Variants in SLC12A8 observed in about 807,000 individuals in gnomAD.
The protein encoded by SLC12A8 is cation-chloride cotransporter 9.
SLC12A8 carries 69 observed loss-of-function variants against 75.6 expected under a neutral mutation model. The ratio of observed to expected loss-of-function variants is 0.91; its 90% CI spans 0.75 to 1.11. The LOEUF is 1.11. Among genes scored for constraint, SLC12A8 ranks in the 50% most tolerant of loss-of-function variants. The probability of loss-of-function intolerance (pLI) is 0.00; values close to 1 mark genes in which losing one functional copy is unlikely to be tolerated. For missense variants in SLC12A8, 877 were observed against 896.7 expected, an observed-to-expected ratio of 0.98 and a Z score of 0.28; for synonymous variants, 365 against 372.8, an observed-to-expected ratio of 0.98 and a Z score of 0.24.
chr3:125,106,934 C>T (rs1208940454), intron 10 of SLC12A8, among the ~76,000 whole-genome samples: 1 of 152,128 alleles, frequency 6.6e-6, no homozygotes, highest in Non-Finnish European at 1.5e-5. Context: ...TATGGTAGGT[C>T]CTTGAAAATA....
chr3:125,100,104 G>A (rs1938829615), intron 10 of SLC12A8, among the ~76,000 whole-genome samples: 1 of 152,176 alleles, frequency 6.6e-6, no homozygotes, highest in East Asian at 1.9e-4. Context: ...GTGAAGAACA[G>A]AGGGGGAAAG....
intron 5 of SLC12A8, among the ~76,000 whole-genome samples, chr3:125,152,191 T>C (rs908209198): frequency 6.6e-5 from 10 of 152,238 alleles, no homozygotes; most frequent in African/African-American, 2.2e-4. Flanking sequence ...TGACTTTCCT[T>C]TTGCTTCAAG....
intron 5 of SLC12A8, among the ~76,000 whole-genome samples, chr3:125,159,082 C>T (rs1579513292): frequency 1.3e-5 from 2 of 152,234 alleles, no homozygotes; most frequent in South Asian, 4.2e-4. Flanking sequence ...ACGAATACAC[C>T]TTTCTAAATG....
intron 2 of SLC12A8, 61 bp downstream of exon 2, chr3:125,211,238 T>C (rs371349896): frequency 3.6e-6 from 5 of 1,378,308 alleles, no homozygotes; most frequent in Non-Finnish European, 5.2e-6. Flanking sequence ...TCCAGCCCAC[T>C]GTCTGGGGAT....
chr3:125,092,244 C>G lies in SLC12A8; in HGVS notation c.1706-46G>C, dbSNP rs186374685. 25 of 1,416,276 alleles carry G rather than the reference C, an allele frequency of 1.8e-5. No homozygotes were observed. In the East Asian group the frequency reaches 2.5e-4, roughly 14 times the overall value. The allele number at this position is 1,416,276 out of a possible 1,614,324, so 87.7% of individuals were successfully genotyped here. A position where few individuals can be genotyped will look rare whatever the true frequency, so the allele number is the denominator to read the frequency against. On this transcript the variant is annotated intron_variant, in intron 10 of 13. Coordinates refer to ENST00000469902, the MANE Select transcript of SLC12A8 (RefSeq NM_024628.6). ...TGGCTGCCAAATTGCTATCAACTCT[C>G]TACTGTTTTTTAGGAAAATATACCT...
Position 125,107,761 on chromosome 3 carries a change from G to C in SLC12A8, c.1425C>G (p.Ser475Arg), listed in dbSNP as rs2107742009. The change falls in exon 10 of 14, where the codon AGC becomes AGG. Residue 475 changes from serine to arginine, a missense_variant. Physicochemically the swap from Ser to Arg is moderately radical, Grantham distance 110. Coordinates refer to ENST00000469902, the MANE Select transcript of SLC12A8 (RefSeq NM_024628.6). ...LLQLTRKLES[S>R]QPRQGEGNRT... ...TGTTACCCTCTCCTTGCCTGGGCTG[G>C]CTACTCTCAAGCTTCCTGGTTAGCT... 1 of 1,614,120 alleles carries C rather than the reference G, an allele frequency of 6.2e-7. No individual in the cohort carries two copies. The highest frequency in any genetic ancestry group is 8.5e-7 in the Non-Finnish European group (1 of 1,180,002).
intron 4 of SLC12A8, among the ~76,000 whole-genome samples, chr3:125,182,085 G>T (rs1934676909): frequency 2.0e-5 from 3 of 152,354 alleles, no homozygotes; most frequent in Middle Eastern, 3.4e-3. Flanking sequence ...AGCACTTTGG[G>T]ACACCAAAGT....
chr3:125,152,504 G>C (rs1326334930), intron 5 of SLC12A8, among the ~76,000 whole-genome samples: 1 of 152,164 alleles, frequency 6.6e-6, no homozygotes, highest in African/African-American at 2.4e-5. Context: ...GCCAGTTCAA[G>C]AGGATGCAGG....
At chr3:125,098,554 CCACACA>C (rs3222429) in intron 10 of SLC12A8, among the ~76,000 whole-genome samples, 1,954 of 143,996 alleles carry the variant, frequency 0.014, 30 homozygotes, top group African/African-American at 0.037. Flanking sequence ...TGAATCTTCT[CCACACA>C]CACACACACA....
chr3:125,125,096 G>A (rs531761063), intron 6 of SLC12A8, among the ~76,000 whole-genome samples: 9 of 148,432 alleles, frequency 6.1e-5, no homozygotes, highest in Admixed American at 2.0e-4. Context: ...ACACAGTTTC[G>A]CAAAACTTAT....
intron 5 of SLC12A8, chr3:125,151,152 G>A (rs566376709): frequency 6.6e-6 from 1 of 152,256 alleles, no homozygotes; most frequent in East Asian, 1.9e-4. Flanking sequence ...ACATTACCAG[G>A]GTTTTCTTCT....
At position 125,132,055 on chromosome 3, in the gene SLC12A8, A is replaced by C. The variant is rs568172275; in HGVS notation, c.736+3614T>G. Among the ~76,000 whole-genome samples the C allele has an allele frequency of 1.8e-4, 27 of 152,322 alleles. No homozygotes were observed. The South Asian group carries it at 5.6e-3, about 32-fold the overall frequency. On this transcript the variant is annotated intron_variant, in intron 6 of 13. Transcript: ENST00000469902. ...CACAAACCTGAAAGGCCCTATGGAC[A>C]GGACAATGGGAAGGCCTGGTTCTGT...
chr3:125,133,381 T>A (rs149345463), intron 6 of SLC12A8, among the ~76,000 whole-genome samples: 1,653 of 12,294 alleles, frequency 0.13, 25 homozygotes, highest in Non-Finnish European at 0.34. Context: ...ACACACACAA[T>A]TTTTTTTTTG....
chr3:125,188,311 C>T (rs1341739197), intron 3 of SLC12A8, among the ~76,000 whole-genome samples: 6 of 152,232 alleles, frequency 3.9e-5, no homozygotes, highest in Admixed American at 3.3e-4. Flanking sequence ...ATGCTGGTGC[C>T]ATGCTTCTTG....
In SLC12A8 at chr3:125,129,753, T is replaced by C. The variant is rs1579491755; in HGVS notation, c.736+5916A>G. Among the ~76,000 whole-genome samples the C allele has an allele frequency of 2.0e-5, 3 of 152,218 alleles. No homozygotes were observed. The East Asian group carries it at 5.8e-4, about 29-fold the overall frequency. Reference sequence around the variant, plus strand: ...CTAATCCTTAGCAAATCTATCACCATGGAAACTGCCAATCATCCATGCTTT... The same window carrying C: ...CTAATCCTTAGCAAATCTATCACCACGGAAACTGCCAATCATCCATGCTTT... On this transcript the variant is annotated intron_variant, in intron 6 of 13. Transcript: ENST00000469902.
intron 13 of SLC12A8, among the ~76,000 whole-genome samples, chr3:125,087,439 G>A (rs1412506371): frequency 6.6e-6 from 1 of 152,190 alleles, no homozygotes; most frequent in Non-Finnish European, 1.5e-5. Context: ...GGATTATGAA[G>A]TTACATCTGG....
intron 5 of SLC12A8, among the ~76,000 whole-genome samples, chr3:125,165,109 A>C (rs553754477): frequency 6.6e-6 from 1 of 152,234 alleles, no homozygotes; most frequent in South Asian, 2.1e-4. Flanking sequence ...GGGGAAAGCA[A>C]CCCAGCCCAC....
intron 5 of SLC12A8, among the ~76,000 whole-genome samples, chr3:125,164,328 G>A (rs899912027): frequency 6.6e-6 from 1 of 152,216 alleles, no homozygotes; most frequent in African/African-American, 2.4e-5. Flanking sequence ...CCTCTCTGTG[G>A]CTTTGACTTC....
At chr3:125,200,433 C>T (rs973747344) in intron 2 of SLC12A8, among the ~76,000 whole-genome samples, 3 of 152,024 alleles carry the variant, frequency 2.0e-5, no homozygotes, top group African/African-American at 4.8e-5. Flanking sequence ...GGGAACAGAG[C>T]GAGACTCTGT....
Sources: allele counts gnomAD v4.1 joint callset (sites outside exome capture counted in the v4.1 genomes callset), GRCh38; gene constraint gnomAD v4.1.1; transcripts MANE v1.5; gene names NCBI Gene and HGNC (gene_info 2026-07-23, HGNC 2026-07-21).